Variants in SDK1 observed in about 807,000 individuals in gnomAD.
SDK1 encodes protein sidekick-1.
In SDK1, 157 loss-of-function variants were observed where a neutral mutation model predicts 245.5. The ratio of observed to expected loss-of-function variants is 0.64; its 90% CI spans 0.56 to 0.73. The LOEUF is 0.73. Among genes scored for constraint, SDK1 ranks in the 30% least tolerant of loss-of-function variants. The pLI is 0.00. For missense variants in SDK1, 3,583 were observed against 3,002.3 expected (o/e 1.19, Z -4.52); for synonymous variants, 1,647 against 1,278.5 (o/e 1.29, Z -6.15).
chr7:3,820,097 C>G (rs1004206470), intron 4 of SDK1, among the ~76,000 whole-genome samples: 1 of 152,154 alleles, frequency 6.6e-6, no homozygotes, highest in Non-Finnish European at 1.5e-5. Context: ...CAGAATGCAT[C>G]TTACCTTCTA....
intron 4 of SDK1, among the ~76,000 whole-genome samples, chr7:3,652,401 G>A (rs895904568): frequency 2.0e-5 from 3 of 152,246 alleles, no homozygotes; most frequent in Non-Finnish European, 4.4e-5. Context: ...AGGGCCTGGA[G>A]TCATGTGGCA....
intron 4 of SDK1, among the ~76,000 whole-genome samples, chr7:3,740,327 A>G (rs1358337859): frequency 1.3e-5 from 2 of 152,190 alleles, no homozygotes. Flanking sequence ...AATAAGTCAG[A>G]GCAGTTCAGA....
intron 1 of SDK1, among the ~76,000 whole-genome samples, chr7:3,567,609 C>T (rs1440281858): frequency 6.6e-6 from 1 of 152,144 alleles, no homozygotes; most frequent in Non-Finnish European, 1.5e-5. Context: ...GGTAAATGTG[C>T]TTAACTTTTG....
chr7:3,387,809 C>T (rs1781646779), intron 1 of SDK1, among the ~76,000 whole-genome samples: 1 of 152,188 alleles, frequency 6.6e-6, no homozygotes, highest in Admixed American at 6.5e-5. Flanking sequence ...GCAGTGTTTA[C>T]TACATGTCAG....
chr7:3,911,876 A>G (rs1395819439), intron 5 of SDK1, among the ~76,000 whole-genome samples: 1 of 152,120 alleles, frequency 6.6e-6, no homozygotes, highest in Non-Finnish European at 1.5e-5. Flanking sequence ...GGGTGCAAAT[A>G]TGTGACCTGA....
At chr7:3,983,825 C>A (rs1783605476) in intron 13 of SDK1, among the ~76,000 whole-genome samples, 1 of 152,136 alleles carries the variant, frequency 6.6e-6, no homozygotes, top group South Asian at 2.1e-4. Context: ...CAAAATATCA[C>A]ACTTTGCCCT....
intron 25 of SDK1, among the ~76,000 whole-genome samples, chr7:4,119,234 G>A (rs1783911585): frequency 6.7e-6 from 1 of 148,258 alleles, no homozygotes. Context: ...AGGATTACCA[G>A]GAGCTTAAGA....
Position 4,011,136 on chromosome 7 carries a change from G to A in SDK1, c.2279+23G>A, listed in dbSNP as rs374457778. On this transcript the variant is annotated intron_variant, in intron 15 of 44. Transcript: ENST00000404826. ...CAGGTGCGTGAATCCCGCCCCAGGT[G>A]GGGGTGTGGAACAGCCGGGGGCCTG... The A allele has an allele frequency of 3.2e-5, 52 of 1,611,328 alleles. No individual in the cohort carries two copies. In the South Asian group the frequency reaches 3.5e-4, roughly 11 times the overall value.
At position 3,333,210 on chromosome 7, in the gene SDK1, C is replaced by T. The variant is rs184726382; in HGVS notation, c.298+31326C>T. 6.0e-4 allele frequency among the ~76,000 whole-genome samples: 92 copies of T among 152,102 alleles called. 1 individual carries two copies. The highest frequency in any genetic ancestry group is 2.0e-3 in the African/African-American group (84 of 41,500). ...AGGGTACCTGATTTCTACTGAAGGC[C>T]AAAATGCAGAGTCAATATGGCCGGT... On this transcript the variant is annotated intron_variant, in intron 1 of 44. Transcript: ENST00000404826.
At chr7:4,207,126 G>A (rs909278560) in intron 36 of SDK1, among the ~76,000 whole-genome samples, 2 of 152,260 alleles carry the variant, frequency 1.3e-5, no homozygotes, top group Non-Finnish European at 2.9e-5. Flanking sequence ...TCCTGCAGGT[G>A]GAAATGAACG....
chr7:4,174,503 G>A, intron 33 of SDK1, 146 bp downstream of exon 33: 1 of 928,420 alleles, frequency 1.1e-6, no homozygotes, highest in Non-Finnish European at 1.6e-6. Flanking sequence ...GAGCAGGCGG[G>A]TTTACCCACC....
rs1404808818 is a variant in SDK1, at chr7:3,301,538, C to G, written c.-49C>G. On this transcript the variant is annotated 5_prime_UTR_variant, in exon 1 of 45. Transcript: ENST00000404826. The stretch of plus-strand genomic sequence containing the variant: ...CCCGCTCGGAGCCGTCCCGCCTGTC[C>G]TGCCCGCCCGTCCGTCCGGCGCGGC... The G allele has an allele frequency of 8.6e-6, 6 of 701,352 alleles. No homozygotes were observed. In the African/African-American group the frequency reaches 9.8e-5, roughly 12 times the overall value. 43.4% of individuals were successfully genotyped at this position (701,352 alleles called of 1,614,324 possible). A position where few individuals can be genotyped will look rare whatever the true frequency, so the allele number is the denominator to read the frequency against.
intron 28 of SDK1, among the ~76,000 whole-genome samples, chr7:4,139,409 G>GTA (rs145545755): frequency 0.51 from 61,748 of 120,596 alleles, 18,766 homozygotes; most frequent in East Asian, 0.86. Flanking sequence ...ATGTGTGTGT[G>GTA]TATATGTGTG....
intron 39 of SDK1, among the ~76,000 whole-genome samples, chr7:4,220,607 G>A (rs568847233): frequency 6.6e-6 from 1 of 151,232 alleles, no homozygotes; most frequent in Admixed American, 6.6e-5. Flanking sequence ...CCAGGTCATG[G>A]GGAAGAAGCA....
rs10270413 is a variant in SDK1 at position 4,265,095 on chromosome 7, A to C, written c.6382-29A>C. ...CTCCGGGCCCTGCGCCCTGCCCTGC[A>C]CTCACACCTTCTCTCCCGCTCCCCG... On this transcript the variant is annotated intron_variant, in intron 44 of 44. Transcript: ENST00000404826. 4 of 1,600,194 alleles carry C rather than the reference A, an allele frequency of 2.5e-6. No individual in the cohort carries two copies. The South Asian group carries it at 4.4e-5, about 18-fold the overall frequency.
At chr7:3,727,522 G>A (rs374185787) in intron 4 of SDK1, among the ~76,000 whole-genome samples, 7 of 151,924 alleles carry the variant, frequency 4.6e-5, no homozygotes, top group South Asian at 2.1e-4. Context: ...ACGGAGCCTC[G>A]CTCTGTCACT....
intron 40 of SDK1, chr7:4,227,120 C>A (rs767248611): frequency 3.7e-6 from 1 of 267,616 alleles, no homozygotes; most frequent in African/African-American, 2.3e-5. Flanking sequence ...TCTTTGGCAA[C>A]GGGAGTTTTC....
chr7:3,824,193 C>G (rs1223355053), intron 5 of SDK1, among the ~76,000 whole-genome samples: 2 of 152,082 alleles, frequency 1.3e-5, no homozygotes, highest in Non-Finnish European at 2.9e-5. Context: ...ATTAGATATT[C>G]TCAAGACCTA....
intron 1 of SDK1, among the ~76,000 whole-genome samples, chr7:3,573,971 G>A (rs1241356983): frequency 2.0e-5 from 3 of 152,044 alleles, no homozygotes. Context: ...TAAAGGCAGG[G>A]CTGTATTTTA....
Sources: gnomAD v4.1 joint callset for allele counts (sites outside exome capture counted in the v4.1 genomes callset) on GRCh38, gnomAD v4.1.1 for gene constraint, MANE v1.5 for transcripts, NCBI Gene and HGNC (gene_info 2026-07-23, HGNC 2026-07-21) for gene names.